EPHA3: variants seen among roughly 807,000 people sequenced by gnomAD.
EPHA3 encodes the protein ephrin type-A receptor 3.
In EPHA3, 42 loss-of-function variants were observed where a neutral mutation model predicts 107.1. The observed-to-expected ratio is 0.39, with a 90% CI of 0.31 to 0.51. The LOEUF (loss-of-function observed/expected upper bound fraction) is 0.51, where lower values mean the gene tolerates loss of function less well. EPHA3 is among the 20% of genes least tolerant of loss of function. EPHA3 has a pLI of 0.78. For missense variants in EPHA3, 1,183 were observed against 1,211.2 expected, an observed-to-expected ratio of 0.98 and a Z score of 0.35; for synonymous variants, 461 against 424.8, an observed-to-expected ratio of 1.09 and a Z score of -1.05.
At chr3:89,230,585 TATG>T (rs2107223759) in intron 3 of EPHA3, among the ~76,000 whole-genome samples, 1 of 152,212 alleles carries the variant, frequency 6.6e-6, no homozygotes, top group Non-Finnish European at 1.5e-5. Flanking sequence ...TCTATAGTAT[TATG>T]ATTATACTAA....
intron 3 of EPHA3, among the ~76,000 whole-genome samples, chr3:89,324,985 G>A (rs185552231): frequency 2.6e-5 from 4 of 152,168 alleles, no homozygotes; most frequent in East Asian, 1.9e-4. Context: ...AATTCACTTC[G>A]CATAATGGCC....
At chr3:89,329,569 A>G (rs1707244409) in intron 3 of EPHA3, among the ~76,000 whole-genome samples, 1 of 152,120 alleles carries the variant, frequency 6.6e-6, no homozygotes, top group East Asian at 1.9e-4. Flanking sequence ...TCTTCCTCTT[A>G]AATGGATTTA....
chr3:89,149,368 C>A (rs1361479965), intron 2 of EPHA3, among the ~76,000 whole-genome samples: 1 of 151,888 alleles, frequency 6.6e-6, no homozygotes, highest in Non-Finnish European at 1.5e-5. Context: ...AAATAGAAAA[C>A]CATTGAAATA....
intron 11 of EPHA3, among the ~76,000 whole-genome samples, chr3:89,422,977 C>T (rs879488771): frequency 2.0e-5 from 3 of 151,312 alleles, no homozygotes; most frequent in Non-Finnish European, 3.0e-5. Flanking sequence ...CAACAAGGTA[C>T]TAACATGTGT....
intron 13 of EPHA3, among the ~76,000 whole-genome samples, chr3:89,447,548 G>T (rs971151230): frequency 1.4e-4 from 22 of 152,082 alleles, no homozygotes; most frequent in Admixed American, 1.1e-3. Context: ...TTTCCCAAGT[G>T]CATCTGTGAT....
chr3:89,165,925 C>G (rs1486618539), intron 2 of EPHA3, among the ~76,000 whole-genome samples: 1 of 152,204 alleles, frequency 6.6e-6, no homozygotes, highest in African/African-American at 2.4e-5. Flanking sequence ...CCTGGCTCTT[C>G]AAGCGCCGTT....
chr3:89,271,625 C>T (rs1416130887), intron 3 of EPHA3, among the ~76,000 whole-genome samples: 1 of 151,766 alleles, frequency 6.6e-6, no homozygotes, highest in African/African-American at 2.4e-5. Flanking sequence ...TATCTCCATC[C>T]ATACCGATAG....
chr3:89,249,244 T>G (rs1256123207), intron 3 of EPHA3, among the ~76,000 whole-genome samples: 1 of 152,208 alleles, frequency 6.6e-6, no homozygotes, highest in Non-Finnish European at 1.5e-5. Context: ...CCTCATTATT[T>G]TATAAGAGCA....
At chr3:89,295,190 A>G (rs1199624927) in intron 3 of EPHA3, among the ~76,000 whole-genome samples, 1 of 152,180 alleles carries the variant, frequency 6.6e-6, no homozygotes, top group Non-Finnish European at 1.5e-5. Flanking sequence ...TTTACTCTCT[A>G]CCATAGTCTA....
At chr3:89,471,177 A>C (rs563230814) in intron 15 of EPHA3, among the ~76,000 whole-genome samples, 1 of 99,118 alleles carries the variant, frequency 1.0e-5, no homozygotes, top group Admixed American at 1.0e-4. Flanking sequence ...AGAGCTGAAG[A>C]AAAAAAAAAA....
intron 3 of EPHA3, among the ~76,000 whole-genome samples, chr3:89,300,594 A>G (rs1177715819): frequency 6.6e-6 from 1 of 152,046 alleles, no homozygotes; most frequent in Non-Finnish European, 1.5e-5. Flanking sequence ...TATTACTTTA[A>G]ACAATTATCT....
intron 2 of EPHA3, among the ~76,000 whole-genome samples, chr3:89,148,435 A>G (rs1704616251): frequency 6.6e-6 from 1 of 151,964 alleles, no homozygotes; most frequent in Non-Finnish European, 1.5e-5. Flanking sequence ...TTAAAAGCAA[A>G]CAAAAGGAAT....
intron 3 of EPHA3, among the ~76,000 whole-genome samples, chr3:89,261,908 C>T (rs1444521162): frequency 6.6e-6 from 1 of 151,416 alleles, no homozygotes; most frequent in Non-Finnish European, 1.5e-5. Context: ...TACCTTTGAC[C>T]AACACACAGA....
At chr3:89,111,393 G>A (rs1024413077) in intron 1 of EPHA3, among the ~76,000 whole-genome samples, 77 of 151,800 alleles carry the variant, frequency 5.1e-4, no homozygotes, top group African/African-American at 1.7e-3. Flanking sequence ...AGTTTTTTTG[G>A]TTTGGAAGAG....
rs114576631 is a variant in EPHA3, at chr3:89,240,199, T to A, written c.814+29679T>A. ...AAAATATTTTTATAAAATAATAATA[T>A]AGTCTCAGATGATGATTTTCTGTTT... On this transcript the variant is annotated intron_variant, in intron 3 of 16. Transcript: ENST00000336596. Among the ~76,000 whole-genome samples the A allele has an allele frequency of 5.6e-3, 848 of 152,340 alleles. 4 individuals carry two copies. The highest frequency in any genetic ancestry group is 0.016 in the African/African-American group (663 of 41,594).
At chr3:89,324,908 G>A (rs1376599306) in intron 3 of EPHA3, among the ~76,000 whole-genome samples, 7 of 151,966 alleles carry the variant, frequency 4.6e-5, no homozygotes, top group Non-Finnish European at 8.8e-5. Context: ...TTATATTTGC[G>A]AGTACCCAGT....
intron 3 of EPHA3, among the ~76,000 whole-genome samples, chr3:89,211,727 TCTTCTTCTTCTTCTC>T (rs879686264): frequency 0.33 from 6,005 of 18,110 alleles, 983 homozygotes; most frequent in Admixed American, 0.43. Flanking sequence ...TTCTTCTTTT[TCTTCTTCTTCTTCTC>T]CTTCTTCTTC....
intron 1 of EPHA3, among the ~76,000 whole-genome samples, chr3:89,125,950 G>A (rs1348954989): frequency 6.6e-6 from 1 of 151,238 alleles, no homozygotes; most frequent in Non-Finnish European, 1.5e-5. Context: ...ATTTTTTAAA[G>A]TCTATCAAAT....
At chr3:89,131,477 GTCTA>G in intron 2 of EPHA3, among the ~76,000 whole-genome samples, 1 of 152,274 alleles carries the variant, frequency 6.6e-6, no homozygotes, top group African/African-American at 2.4e-5. Flanking sequence ...GATTGATAGT[GTCTA>G]TCTACCACGT....
Sources: allele counts gnomAD v4.1 joint callset (sites outside exome capture counted in the v4.1 genomes callset), GRCh38; gene constraint gnomAD v4.1.1; transcripts MANE v1.5; gene names NCBI Gene and HGNC (gene_info 2026-07-23, HGNC 2026-07-21).